Variants in ABCB5 observed in about 807,000 individuals in gnomAD.
The protein encoded by ABCB5 is ATP-binding cassette sub-family B member 5.
A neutral mutation model predicts 144.2 loss-of-function variants in ABCB5; 155 were observed. That is an observed-to-expected ratio of 1.08 (90% confidence interval 0.94 to 1.23). The LOEUF (loss-of-function observed/expected upper bound fraction) is 1.23, where lower values mean the gene tolerates loss of function less well. Among genes scored for constraint, ABCB5 ranks in the 50% most tolerant of loss-of-function variants. ABCB5 has a pLI of 0.00. For synonymous variants in ABCB5, 610 were observed against 528.6 expected (o/e 1.15, Z -2.11); for missense variants, 1,830 against 1,520.8 (o/e 1.20, Z -3.38).
At position 20,648,095 on chromosome 7, in the gene ABCB5, T is replaced by A; in HGVS notation, c.1206+17T>A. ...TCTATCAAGGTAGGTTAAAACAAAT[T>A]ACGCAATTGTGCAGTTTTCTGATAT... is the stretch of plus-strand genomic sequence containing the variant. On this transcript the variant is annotated intron_variant, in intron 11 of 27. Coordinates refer to ENST00000404938, the MANE Select transcript of ABCB5 (RefSeq NM_001163941.2). 7.0e-7 allele frequency: 1 copy of A among 1,435,412 alleles called. No homozygotes were observed. Among genetic ancestry groups the A allele is most frequent in the Admixed American group, 1.7e-5 (1 of 57,300 alleles). 88.9% of individuals were successfully genotyped at this position (1,435,412 alleles called of 1,614,324 possible). A position where few individuals can be genotyped will look rare whatever the true frequency, so the allele number is the denominator to read the frequency against.
intron 5 of ABCB5, among the ~76,000 whole-genome samples, chr7:20,642,370 G>C (rs1218315046): frequency 6.6e-6 from 1 of 152,124 alleles, no homozygotes; most frequent in East Asian, 1.9e-4. Context: ...TTTATGGCTG[G>C]CTTAATTTCA....
intron 23 of ABCB5, among the ~76,000 whole-genome samples, chr7:20,736,886 G>A (rs1019407737): frequency 8.5e-5 from 13 of 152,262 alleles, no homozygotes; most frequent in Admixed American, 6.5e-4. Context: ...GAGAAAAAGC[G>A]TAAAGAAGAT....
At chr7:20,656,814 G>T (rs186106385) in intron 13 of ABCB5, among the ~76,000 whole-genome samples, 4 of 151,594 alleles carry the variant, frequency 2.6e-5, no homozygotes, top group Admixed American at 2.0e-4. Flanking sequence ...ATTCATAGCA[G>T]CTTTATTTAT....
chr7:20,616,776 T>C (rs1218987266), intron 1 of ABCB5, among the ~76,000 whole-genome samples: 1 of 152,192 alleles, frequency 6.6e-6, no homozygotes, highest in Admixed American at 6.5e-5. Flanking sequence ...TTTTGAAACA[T>C]TGGGTAACAG....
intron 20 of ABCB5, among the ~76,000 whole-genome samples, chr7:20,705,219 C>T (rs577642760): frequency 6.6e-6 from 1 of 152,116 alleles, no homozygotes; most frequent in African/African-American, 2.4e-5. Context: ...TCTAACAATT[C>T]AGAGTCATGT....
At chr7:20,626,855 G>GTA (rs1783921066) in intron 3 of ABCB5, among the ~76,000 whole-genome samples, 1 of 13,772 alleles carries the variant, frequency 7.3e-5, no homozygotes, top group Non-Finnish European at 1.9e-4. Context: ...TGTTTTTGGG[G>GTA]TGTGTGTGTG....
At chr7:20,755,000 A>G (rs1309263534) in intron 27 of ABCB5, among the ~76,000 whole-genome samples, 2 of 151,478 alleles carry the variant, frequency 1.3e-5, no homozygotes, top group Admixed American at 1.3e-4. Context: ...CTTAGGCTGG[A>G]GTGCAATGGC....
intron 5 of ABCB5, among the ~76,000 whole-genome samples, chr7:20,642,546 A>G (rs1784316619): frequency 6.6e-6 from 1 of 151,666 alleles, no homozygotes. Flanking sequence ...CTCCTTGTGT[A>G]TTGTCTGCCT....
chr7:20,725,133 A>T (rs898749282), intron 21 of ABCB5, among the ~76,000 whole-genome samples: 6 of 152,148 alleles, frequency 3.9e-5, no homozygotes, highest in African/African-American at 1.4e-4. Flanking sequence ...ACAACAAACA[A>T]CTCTAATCAA....
In ABCB5 at chr7:20,726,167, T is replaced by TA. The variant is rs1316111238; in HGVS notation, c.2626-872dup. Among the ~76,000 whole-genome samples, 4 of 152,190 alleles carry TA rather than the reference T, an allele frequency of 2.6e-5. No individual in the cohort carries two copies. The East Asian group carries it at 7.7e-4, about 29-fold the overall frequency. On this transcript the variant is annotated intron_variant, in intron 21 of 27. Transcript: ENST00000404938. ...TATAAACTATATAAATGTGGAGAAGTATTCATCACATTTGAATTAAATGTC... is the reference window on the plus strand; with the variant it reads ...TATAAACTATATAAATGTGGAGAAGTAATTCATCACATTTGAATTAAATGTC...
intron 16 of ABCB5, among the ~76,000 whole-genome samples, chr7:20,691,800 T>C (rs138392655): frequency 0.01 from 1,535 of 152,166 alleles, 41 homozygotes; most frequent in African/African-American, 0.035. Context: ...GTAATTTAAA[T>C]GTGTTCCAGA....
At chr7:20,681,390 G>T in intron 14 of ABCB5, 115 bp from the exon 15 acceptor site, 4 of 1,204,266 alleles carry the variant, frequency 3.3e-6, no homozygotes, top group Non-Finnish European at 4.6e-6. Flanking sequence ...GCCTCCCAAA[G>T]TGCTGGAATT....
chr7:20,629,521 G>C (rs540544356), intron 4 of ABCB5, among the ~76,000 whole-genome samples: 4 of 152,206 alleles, frequency 2.6e-5, no homozygotes, highest in South Asian at 2.1e-4. Flanking sequence ...CTGCACTTTG[G>C]GAGGCTGAGA....
chr7:20,643,366 G>T lies in ABCB5; in HGVS notation c.497G>T (p.Arg166Leu), dbSNP rs117477399. 3.1e-6 allele frequency: 5 copies of T among 1,613,906 alleles called. No homozygotes were observed. In the East Asian group the frequency reaches 6.7e-5, roughly 22 times the overall value. ...TGTGACATCGGTGAACTTAACACTC[G>T]CATGACAGAGTAAGAGGATGATATT... ...DSCDIGELNT[R>L]MTDDIDKISD... The change falls in exon 6 of 28, where the codon CGC becomes CTC. Residue 166 changes from arginine to leucine, a missense_variant. Arg to Leu is a moderately radical substitution (Grantham distance 102, BLOSUM62 -2). Coordinates refer to ENST00000404938, the MANE Select transcript of ABCB5 (RefSeq NM_001163941.2).
At chr7:20,630,720 G>A (rs16872578) in intron 4 of ABCB5, among the ~76,000 whole-genome samples, 57,269 of 151,856 alleles carry the variant, frequency 0.38, 11,541 homozygotes, top group African/African-American at 0.53. Flanking sequence ...TGAGTAAATG[G>A]GCAACCTGGC....
intron 5 of ABCB5, among the ~76,000 whole-genome samples, chr7:20,639,782 T>G (rs1000923177): frequency 1.2e-4 from 19 of 152,208 alleles, no homozygotes; most frequent in Admixed American, 7.9e-4. Flanking sequence ...TCAGGAAGTG[T>G]AAGTTCTCCA....
intron 3 of ABCB5, among the ~76,000 whole-genome samples, chr7:20,627,315 G>C (rs1783930923): frequency 6.6e-6 from 1 of 152,166 alleles, no homozygotes. Flanking sequence ...CTGGAGGAAG[G>C]TAGAGGAGCA....
chr7:20,670,026 A>AC (rs1707980546), intron 14 of ABCB5, among the ~76,000 whole-genome samples: 1 of 152,194 alleles, frequency 6.6e-6, no homozygotes, highest in African/African-American at 2.4e-5. Flanking sequence ...AATCAGACGA[A>AC]CTCAAATTGA....
At chr7:20,624,132 T>G (rs1260515194) in intron 2 of ABCB5, among the ~76,000 whole-genome samples, 2 of 152,208 alleles carry the variant, frequency 1.3e-5, no homozygotes, top group Non-Finnish European at 2.9e-5. Context: ...TTCAAAACAT[T>G]ATCTAAAGAT....
Sources: gnomAD v4.1 joint callset for allele counts (sites outside exome capture counted in the v4.1 genomes callset) on GRCh38, gnomAD v4.1.1 for gene constraint, MANE v1.5 for transcripts, NCBI Gene and HGNC (gene_info 2026-07-23, HGNC 2026-07-21) for gene names.